Variants in EED observed in about 807,000 individuals in gnomAD.
The protein encoded by EED is polycomb protein EED.
Under a neutral mutation model 61.0 loss-of-function variants are expected in EED, and 9 were observed. That is an observed-to-expected ratio of 0.15 (90% CI 0.09 to 0.26). The LOEUF is 0.26. Among genes scored for constraint, EED ranks in the 10% least tolerant of loss-of-function variants. The pLI is 1.00. For missense variants in EED, 315 were observed against 542.3 expected, an observed-to-expected ratio of 0.58 and a Z score of 4.16; for synonymous variants, 187 against 174.4, an observed-to-expected ratio of 1.07 and a Z score of -0.57.
the EED span, among the ~76,000 whole-genome samples, chr11:86,286,971 C>CAAAAAAAAAAAAAAAA: frequency 5.9e-5 from 4 of 68,340 alleles, no homozygotes; most frequent in African/African-American, 1.9e-4. Context: ...GACTCCGTCT[C>CAAAAAAAAAAAAAAAA]AAAAAAAAAA....
At chr11:86,278,342 G>A (rs781148989) in intron 11 of EED, 57 bp from the exon 12 acceptor site, 26 of 1,579,136 alleles carry the variant, frequency 1.6e-5, no homozygotes, top group Non-Finnish European at 2.2e-5. Flanking sequence ...CTGTTTTAGG[G>A]TAGACACTGA....
chr11:86,278,049 C>T (rs1946273989), intron 11 of EED, 58 bp downstream of exon 11: 1 of 1,448,100 alleles, frequency 6.9e-7, no homozygotes, highest in Non-Finnish European at 9.1e-7. Flanking sequence ...ACTTGTATGC[C>T]AATGTAGAGA....
At chr11:86,286,585 C>G in the EED span, among the ~76,000 whole-genome samples, 1 of 152,280 alleles carries the variant, frequency 6.6e-6, no homozygotes, top group South Asian at 2.1e-4. Context: ...GCAAAGGGGA[C>G]AGTCATTCTG....
At chr11:86,268,998 A>G (rs1946049156) in intron 9 of EED, among the ~76,000 whole-genome samples, 1 of 152,158 alleles carries the variant, frequency 6.6e-6, no homozygotes, top group Admixed American at 6.6e-5. Context: ...ATGGATTTAT[A>G]CAGATGCTCC....
intron 3 of EED, among the ~76,000 whole-genome samples, chr11:86,253,030 G>C (rs1447331533): frequency 1.3e-5 from 2 of 152,186 alleles, no homozygotes; most frequent in East Asian, 3.8e-4. Context: ...TTGCAGTCAT[G>C]AGCCACCATG....
At chr11:86,248,200 A>G (rs114856046) in intron 1 of EED, among the ~76,000 whole-genome samples, 622 of 152,334 alleles carry the variant, frequency 4.1e-3, no homozygotes, top group African/African-American at 0.014. Context: ...CCCTGTACAT[A>G]TATTAGACAC....
chr11:86,276,929 G>A, intron 9 of EED, 51 bp from the exon 10 acceptor site: 1 of 1,404,630 alleles, frequency 7.1e-7, no homozygotes, highest in Non-Finnish European at 9.4e-7. Flanking sequence ...TACTTTGTAA[G>A]ATTCAGTTCC....
chr11:86,258,205 A>T (rs751398266), intron 6 of EED, among the ~76,000 whole-genome samples: 7 of 152,244 alleles, frequency 4.6e-5, no homozygotes, highest in Non-Finnish European at 7.3e-5. Flanking sequence ...GGAAAATCCC[A>T]GGCTATGTTA....
downstream of EED, among the ~76,000 whole-genome samples, chr11:86,280,122 T>C (rs1475138485): frequency 6.6e-6 from 1 of 152,192 alleles, no homozygotes; most frequent in Non-Finnish European, 1.5e-5. Context: ...AGTCTCACTC[T>C]GTTGCCCAGT....
At chr11:86,272,971 A>T (rs879370252) in intron 9 of EED, among the ~76,000 whole-genome samples, 1 of 151,944 alleles carries the variant, frequency 6.6e-6, no homozygotes, top group Non-Finnish European at 1.5e-5. Flanking sequence ...TTAGAATTCC[A>T]TTTTTATTTC....
At chr11:86,245,384 A>G in intron 1 of EED, 41 bp downstream of exon 1, 2 of 1,517,792 alleles carry the variant, frequency 1.3e-6, no homozygotes, top group Non-Finnish European at 1.8e-6. Flanking sequence ...GCGGAGTGAA[A>G]GTTTTAAATT....
At chr11:86,281,009 A>G (rs1946317288), downstream of EED, among the ~76,000 whole-genome samples, 1 of 152,226 alleles carries the variant, frequency 6.6e-6, no homozygotes, top group Admixed American at 6.5e-5. Flanking sequence ...CATCCCAGGG[A>G]TAAATCCCAC....
At chr11:86,266,332 A>C (rs1395928445) in intron 8 of EED, 116 bp downstream of exon 8, 3 of 844,266 alleles carry the variant, frequency 3.6e-6, no homozygotes, top group Middle Eastern at 2.5e-4. Flanking sequence ...CCTTCTTTTA[A>C]CTTTAAGGGA....
the EED span, chr11:86,284,757 T>C: frequency 1.6e-4 from 24 of 152,358 alleles, no homozygotes; most frequent in African/African-American, 5.3e-4. Flanking sequence ...ATCGGTCCTT[T>C]TCCTAGTCCT....
intron 6 of EED, among the ~76,000 whole-genome samples, chr11:86,260,377 C>G (rs942086916): frequency 7.0e-6 from 1 of 143,676 alleles, no homozygotes; most frequent in Non-Finnish European, 1.5e-5. Context: ...CATGTGCACA[C>G]CACCATGCCT....
At chr11:86,262,156 A>C (rs1405450380) in intron 6 of EED, among the ~76,000 whole-genome samples, 1 of 152,180 alleles carries the variant, frequency 6.6e-6, no homozygotes, top group East Asian at 1.9e-4. Context: ...TGTTGGGATT[A>C]CAGGTGTGAG....
At chr11:86,246,617 C>T (rs918310896) in intron 1 of EED, among the ~76,000 whole-genome samples, 4 of 152,144 alleles carry the variant, frequency 2.6e-5, no homozygotes, top group Non-Finnish European at 5.9e-5. Context: ...TTAAGTGTTA[C>T]TTTTGTATTT....
chr11:86,246,423 T>A (rs1165304594), intron 1 of EED, among the ~76,000 whole-genome samples: 1 of 152,246 alleles, frequency 6.6e-6, no homozygotes, highest in Non-Finnish European at 1.5e-5. Flanking sequence ...GGAATAAATG[T>A]TACATCTTCT....
In EED at chr11:86,250,379, A is replaced by G. The variant is rs182106684; in HGVS notation, c.198A>G (p.Lys66=). 4.5e-5 allele frequency: 73 copies of G among 1,608,864 alleles called. No individual in the cohort carries two copies. Among genetic ancestry groups the G allele is most frequent in the Middle Eastern group, 1.7e-4 (1 of 6,048 alleles). ...PTNTPNAPGR[K]SWGKGKWKSK... ...ACACGCCAAATGCACCTGGAAGGAAAAGTTGGGGAAAGGGAAAATGGAAGT... is the reference window on the plus strand; with the variant it reads ...ACACGCCAAATGCACCTGGAAGGAAGAGTTGGGGAAAGGGAAAATGGAAGT... Residue 66 remains lysine (K), a synonymous_variant, in exon 2 of 12, where the codon AAA becomes AAG. Coordinates refer to ENST00000263360, the MANE Select transcript of EED (RefSeq NM_003797.5).
Sources: gnomAD v4.1 joint callset for allele counts (sites outside exome capture counted in the v4.1 genomes callset) on GRCh38, gnomAD v4.1.1 for gene constraint, MANE v1.5 for transcripts, NCBI Gene and HGNC (gene_info 2026-07-23, HGNC 2026-07-21) for gene names.